Variants in MACROH2A1 observed in about 807,000 individuals in gnomAD.
MACROH2A1 encodes core histone macro-H2A.1.
A neutral mutation model predicts 31.6 loss-of-function variants in MACROH2A1; 2 were observed. The observed-to-expected ratio is 0.06, with a 90% CI of 0.03 to 0.20. The LOEUF (loss-of-function observed/expected upper bound fraction) is 0.20. Among genes scored for constraint, MACROH2A1 ranks in the 10% least tolerant of loss-of-function variants. The pLI, the probability that MACROH2A1 is intolerant of heterozygous loss-of-function variation, is 1.00. For missense variants in MACROH2A1, 230 were observed against 474.0 expected (o/e 0.49, Z 4.78); for synonymous variants, 169 against 189.6 (o/e 0.89, Z 0.89).
At chr5:135,356,479 G>A (rs1762188771) in intron 5 of MACROH2A1, 1 of 152,324 alleles carries the variant, frequency 6.6e-6, no homozygotes, top group Non-Finnish European at 1.5e-5. Context: ...CAGTGCTGGG[G>A]TTCCCCTGGG....
intron 7 of MACROH2A1, 106 bp downstream of exon 7, chr5:135,345,862 C>T (rs765649229): frequency 4.4e-5 from 33 of 746,880 alleles, no homozygotes; most frequent in Middle Eastern, 4.7e-4. Context: ...CTTGAAGATG[C>T]GGCTGTGCTG....
intron 2 of MACROH2A1, among the ~76,000 whole-genome samples, chr5:135,384,843 G>C (rs1766173961): frequency 6.6e-6 from 1 of 152,194 alleles, no homozygotes; most frequent in Admixed American, 6.5e-5. Flanking sequence ...ATAGCATGGA[G>C]ATGTGAGTGA....
rs755964774 is a variant in MACROH2A1, at chr5:135,398,786, G to A, written c.-34+276C>T. 1.6e-4 allele frequency among the ~76,000 whole-genome samples: 25 copies of A among 152,220 alleles called. No individual in the cohort carries two copies. Among genetic ancestry groups the A allele is most frequent in the Non-Finnish European group, 3.1e-4 (21 of 68,038 alleles). The stretch of plus-strand genomic sequence containing the variant: ...CCAGCACCGCTTTTTTCCCACAAAA[G>A]CGCCCAGGCGCGGGCAGGGGGATGC... On this transcript the variant is annotated intron_variant, in intron 1 of 8. Transcript: ENST00000511689. The surrounding 1 kb of genome is among the most constrained non-coding windows in gnomAD (Gnocchi z 4.6).
intron 5 of MACROH2A1, chr5:135,353,411 G>A (rs1025590941): frequency 4.2e-6 from 1 of 240,436 alleles, no homozygotes; most frequent in African/African-American, 2.3e-5. Flanking sequence ...GGGGGCTGGT[G>A]GATGTGACTG....
chr5:135,358,741 T>A, intron 5 of MACROH2A1: 4 of 957,378 alleles, frequency 4.2e-6, no homozygotes, highest in Non-Finnish European at 5.0e-6. Flanking sequence ...AATACTTTTC[T>A]ATGGCTTTTT....
chr5:135,359,623 G>A (rs1378571427), intron 5 of MACROH2A1: 8 of 984,564 alleles, frequency 8.1e-6, no homozygotes, highest in African/African-American at 1.7e-5. Flanking sequence ...CGAGGGAACC[G>A]TGTCACTGTG....
intron 2 of MACROH2A1, among the ~76,000 whole-genome samples, chr5:135,380,106 C>T (rs577083699): frequency 6.6e-6 from 1 of 152,288 alleles, no homozygotes; most frequent in African/African-American, 2.4e-5. Context: ...TAGTATCTGA[C>T]ATTACCAATA....
At chr5:135,341,958 G>A (rs1759958937) in intron 8 of MACROH2A1, among the ~76,000 whole-genome samples, 1 of 152,234 alleles carries the variant, frequency 6.6e-6, no homozygotes, top group African/African-American at 2.4e-5. Context: ...AAGCTGGGAT[G>A]GGAAGCCCCA....
intron 2 of MACROH2A1, 25 bp from the exon 3 acceptor site, chr5:135,370,167 T>C: frequency 3.3e-6 from 5 of 1,494,990 alleles, no homozygotes; most frequent in South Asian, 2.3e-5. Context: ...GATGAGTGTA[T>C]GGTCATGTTA....
At chr5:135,345,885 G>A (rs1205054893) in intron 7 of MACROH2A1, 83 bp downstream of exon 7, 5 of 902,462 alleles carry the variant, frequency 5.5e-6, no homozygotes, top group Non-Finnish European at 9.4e-6. Flanking sequence ...ACACACCTCT[G>A]AATTCTAAGC....
rs56756068 is a variant in MACROH2A1, at chr5:135,337,833, T to C, written c.954-2692A>G. On this transcript the variant is annotated intron_variant, in intron 8 of 8. Transcript: ENST00000511689. Reference sequence around the variant, plus strand: ...GCAGACGGTTCCACCGGAATGTCCCTGGCCTTGCAAGCATTTCAGGGTTGT... The same window carrying C: ...GCAGACGGTTCCACCGGAATGTCCCCGGCCTTGCAAGCATTTCAGGGTTGT... 3,948 of 506,220 alleles carry C rather than the reference T, an allele frequency of 7.8e-3. 131 individuals are homozygous for C. Among genetic ancestry groups the C allele is most frequent in the African/African-American group, 0.074 (3,566 of 48,380 alleles). The allele number at this position is 506,220 out of a possible 1,614,324, so 31.4% of individuals were successfully genotyped here.
chr5:135,362,148 G>A (rs1762920713), intron 4 of MACROH2A1: 1 of 152,208 alleles, frequency 6.6e-6, no homozygotes, highest in Non-Finnish European at 1.5e-5. Context: ...CAAGTCAGGT[G>A]TTTTTAATCC....
intron 8 of MACROH2A1, among the ~76,000 whole-genome samples, chr5:135,339,908 T>C (rs1453839602): frequency 6.6e-6 from 1 of 152,228 alleles, no homozygotes; most frequent in Non-Finnish European, 1.5e-5. Context: ...CCCCGGGCTT[T>C]GGGTAAATGA....
Position 135,398,770 on chromosome 5 carries a change from C to CT in MACROH2A1, c.-34+291dup, listed in dbSNP as rs1310361549. Reference sequence around the variant, plus strand: ...GTCGCCAGGGTAGGCGCCAGCACCGCTTTTTTCCCACAAAAGCGCCCAGGC... The same window carrying CT: ...GTCGCCAGGGTAGGCGCCAGCACCGCTTTTTTTCCCACAAAAGCGCCCAGGC... On this transcript the variant is annotated intron_variant, in intron 1 of 8. Transcript: ENST00000511689. This position sits in a 1 kb window ranked among gnomAD's most constrained non-coding sequence, Gnocchi z 4.6. Among the ~76,000 whole-genome samples the CT allele has an allele frequency of 1.3e-5, 2 of 152,234 alleles. No individual in the cohort carries two copies. The highest frequency in any genetic ancestry group is 1.9e-4 in the East Asian group (1 of 5,180).
intron 2 of MACROH2A1, among the ~76,000 whole-genome samples, chr5:135,380,194 C>T (rs1353444123): frequency 4.0e-5 from 6 of 151,848 alleles, no homozygotes; most frequent in Admixed American, 6.6e-5. Flanking sequence ...CATGTAGCTG[C>T]GGAATATCTG....
intron 8 of MACROH2A1, among the ~76,000 whole-genome samples, chr5:135,339,125 G>T (rs758448371): frequency 6.6e-4 from 100 of 152,148 alleles, no homozygotes; most frequent in Non-Finnish European, 1.1e-3. Context: ...TACACCATAG[G>T]GCTAGGACCT....
intron 2 of MACROH2A1, among the ~76,000 whole-genome samples, chr5:135,371,370 A>C (rs1418680152): frequency 6.6e-6 from 1 of 152,256 alleles, no homozygotes; most frequent in Non-Finnish European, 1.5e-5. Flanking sequence ...ACAAATATGT[A>C]AGGTGATGAA....
chr5:135,343,758 C>T (rs538400922), intron 7 of MACROH2A1: 2 of 339,380 alleles, frequency 5.9e-6, no homozygotes, highest in African/African-American at 4.1e-5. Flanking sequence ...TGAACGCAAA[C>T]TCAACGTGTC....
rs567082249 is a variant in MACROH2A1 at position 135,360,611 on chromosome 5, G to C, written c.478-4C>G. 6.2e-7 allele frequency: 1 copy of C among 1,604,798 alleles called. No homozygotes were observed. The highest frequency in any genetic ancestry group is 2.2e-5 in the East Asian group (1 of 44,830). ...TACTGACTTCACCCTGCTTCTTCTTGCACAGACGGAAGGGTCAGAATGTGG... is the reference window on the plus strand; with the variant it reads ...TACTGACTTCACCCTGCTTCTTCTTCCACAGACGGAAGGGTCAGAATGTGG... On this transcript the variant is annotated splice_polypyrimidine_tract_variant and splice_region_variant and intron_variant, in intron 4 of 8. Coordinates refer to ENST00000511689, the MANE Select transcript of MACROH2A1 (RefSeq NM_138610.3).
Sources: allele counts gnomAD v4.1 joint callset (sites outside exome capture counted in the v4.1 genomes callset), GRCh38; gene constraint gnomAD v4.1.1; non-coding constraint Gnocchi (gnomAD v3.1); transcripts MANE v1.5; gene names NCBI Gene and HGNC (gene_info 2026-07-23, HGNC 2026-07-21).